SNTG2: variants seen among roughly 807,000 people sequenced by gnomAD.
SNTG2 encodes gamma-2-syntrophin.
SNTG2 carries 74 observed loss-of-function variants against 70.9 expected under a neutral mutation model. The ratio of observed to expected loss-of-function variants is 1.04; its 90% confidence interval spans 0.86 to 1.27. SNTG2 has a LOEUF of 1.27. Among genes scored for constraint, SNTG2 ranks in the 50% most tolerant of loss-of-function variants. The pLI is 0.00. For synonymous variants in SNTG2, 278 were observed against 273.8 expected (o/e 1.02, Z -0.15); for missense variants, 717 against 690.7 (o/e 1.04, Z -0.43).
intron 9 of SNTG2, among the ~76,000 whole-genome samples, chr2:1,220,583 G>C (rs1674687600): frequency 6.6e-6 from 1 of 152,174 alleles, no homozygotes; most frequent in African/African-American, 2.4e-5. Context: ...AGGTGACAGA[G>C]CTGCTGTTTC....
chr2:1,098,129 T>G (rs1279348384), intron 2 of SNTG2, 67 bp from the exon 3 acceptor site: 5 of 1,536,790 alleles, frequency 3.3e-6, no homozygotes, highest in Non-Finnish European at 4.5e-6. Flanking sequence ...GAAGAATTTC[T>G]TTTGAATTCA....
chr2:1,104,372 G>A (rs1346972409), intron 4 of SNTG2, among the ~76,000 whole-genome samples: 1 of 152,266 alleles, frequency 6.6e-6, no homozygotes, highest in South Asian at 2.1e-4. Context: ...CTTTTCAGAC[G>A]AGCTGAGTGA....
At position 970,321 on chromosome 2, in the gene SNTG2, G is replaced by T. The variant is rs1225610059; in HGVS notation, c.72+19253G>T. On this transcript the variant is annotated intron_variant, in intron 1 of 16. Transcript: ENST00000308624. ...GTAGGGTACATGTGCACAATGTGCA[G>T]GTTAGTTACATATGTATACATGTGC... 2.0e-5 allele frequency among the ~76,000 whole-genome samples: 3 copies of T among 151,820 alleles called. 1 individual carries two copies. Among genetic ancestry groups the T allele is most frequent in the African/African-American group, 7.2e-5 (3 of 41,392 alleles).
At chr2:1,136,124 C>T (rs1668366588) in intron 4 of SNTG2, among the ~76,000 whole-genome samples, 1 of 152,124 alleles carries the variant, frequency 6.6e-6, no homozygotes, top group African/African-American at 2.4e-5. Flanking sequence ...ATGGAATCCA[C>T]ATATTCTGTG....
intron 13 of SNTG2, among the ~76,000 whole-genome samples, chr2:1,261,930 C>A (rs950797498): frequency 1.3e-5 from 2 of 152,166 alleles, no homozygotes; most frequent in African/African-American, 2.4e-5. Context: ...CCGCTCTATT[C>A]CACGTGCTAG....
At chr2:1,076,031 C>T (rs1399611655) in intron 1 of SNTG2, among the ~76,000 whole-genome samples, 2 of 152,174 alleles carry the variant, frequency 1.3e-5, no homozygotes, top group African/African-American at 2.4e-5. Context: ...CGTCGTCGGA[C>T]GTGTCTGTGG....
intron 1 of SNTG2, among the ~76,000 whole-genome samples, chr2:963,253 T>G (rs2147947734): frequency 6.6e-6 from 1 of 152,190 alleles, no homozygotes; most frequent in South Asian, 2.1e-4. Flanking sequence ...GAAAATATGC[T>G]ACGTAAAAAT....
chr2:990,951 TA>T (rs1379414965), intron 1 of SNTG2, among the ~76,000 whole-genome samples: 1 of 152,226 alleles, frequency 6.6e-6, no homozygotes, highest in African/African-American at 2.4e-5. Context: ...GTATTATTTT[TA>T]AAGGGAAATC....
At chr2:1,050,787 T>G (rs1478579704) in intron 1 of SNTG2, among the ~76,000 whole-genome samples, 1 of 152,204 alleles carries the variant, frequency 6.6e-6, no homozygotes, top group Non-Finnish European at 1.5e-5. Flanking sequence ...TGAAAATAAT[T>G]CATCAAATCC....
At chr2:1,124,219 T>G (rs914941886) in intron 4 of SNTG2, among the ~76,000 whole-genome samples, 1 of 152,188 alleles carries the variant, frequency 6.6e-6, no homozygotes, top group Admixed American at 6.5e-5. Flanking sequence ...CATAACATTA[T>G]TTTTACCCTG....
At chr2:958,069 G>A (rs558609933) in intron 1 of SNTG2, among the ~76,000 whole-genome samples, 6 of 152,170 alleles carry the variant, frequency 3.9e-5, no homozygotes, top group South Asian at 2.1e-4. Flanking sequence ...GGAGGGCTTC[G>A]TTCCTTTAAC....
intron 14 of SNTG2, among the ~76,000 whole-genome samples, chr2:1,298,391 C>T (rs1180430745): frequency 6.6e-6 from 1 of 152,182 alleles, no homozygotes; most frequent in Non-Finnish European, 1.5e-5. Context: ...ACCTTGGCCT[C>T]CCAAAGTGCT....
intron 2 of SNTG2, among the ~76,000 whole-genome samples, chr2:1,084,835 G>A (rs1184958361): frequency 6.6e-6 from 1 of 152,186 alleles, no homozygotes; most frequent in African/African-American, 2.4e-5. Flanking sequence ...GGTGGCGGGA[G>A]GAGGAAGGGG....
intron 1 of SNTG2, among the ~76,000 whole-genome samples, chr2:1,004,665 G>T (rs543652591): frequency 6.6e-6 from 1 of 152,306 alleles, no homozygotes; most frequent in African/African-American, 2.4e-5. Flanking sequence ...AGCACCAGAT[G>T]CTGGCAAGGA....
intron 14 of SNTG2, among the ~76,000 whole-genome samples, chr2:1,307,056 G>A (rs867994550): frequency 2.5e-4 from 37 of 150,984 alleles, no homozygotes; most frequent in African/African-American, 7.8e-4. Flanking sequence ...TGTGAGCCAT[G>A]GACTGTGTGT....
At chr2:1,021,704 C>T (rs1660186981) in intron 1 of SNTG2, among the ~76,000 whole-genome samples, 1 of 151,874 alleles carries the variant, frequency 6.6e-6, no homozygotes, top group African/African-American at 2.4e-5. Context: ...CTGGCACCTC[C>T]TGGCTCAAGC....
At chr2:1,255,885 A>AATATATATAAATATATATAAAT (rs1678062904) in intron 12 of SNTG2, among the ~76,000 whole-genome samples, 17 of 90,468 alleles carry the variant, frequency 1.9e-4, no homozygotes, top group African/African-American at 3.3e-4. Context: ...TATATATATA[A>AATATATATAAATATATATAAAT]ATATATATAA....
intron 1 of SNTG2, among the ~76,000 whole-genome samples, chr2:976,276 G>C (rs1199603960): frequency 6.6e-6 from 1 of 152,186 alleles, no homozygotes; most frequent in Non-Finnish European, 1.5e-5. Flanking sequence ...AATAACATTT[G>C]TGTTTGAGTG....
chr2:1,109,505 C>G (rs1666302393), intron 4 of SNTG2, among the ~76,000 whole-genome samples: 1 of 152,020 alleles, frequency 6.6e-6, no homozygotes, highest in Non-Finnish European at 1.5e-5. Context: ...ATGAAATGGG[C>G]AAGGGACGCA....
Sources: gnomAD v4.1 joint callset for allele counts (sites outside exome capture counted in the v4.1 genomes callset) on GRCh38, gnomAD v4.1.1 for gene constraint, MANE v1.5 for transcripts, NCBI Gene and HGNC (gene_info 2026-07-23, HGNC 2026-07-21) for gene names.